NT5C1B: variants seen among roughly 807,000 people sequenced by gnomAD.
NT5C1B encodes 5'-nucleotidase, cytosolic IB.
In NT5C1B, 44 loss-of-function variants were observed where a neutral mutation model predicts 57.8. That is an observed-to-expected ratio of 0.76 (90% CI 0.60 to 0.98). The LOEUF is 0.98. Ranked by LOEUF, NT5C1B falls within the 50% of genes least tolerant of loss-of-function variation. NT5C1B has a pLI of 0.00. For missense variants in NT5C1B, 742 were observed against 719.5 expected, an observed-to-expected ratio of 1.03 and a Z score of -0.36; for synonymous variants, 284 against 282.6, an observed-to-expected ratio of 1.00 and a Z score of -0.05.
chr2:18,585,068 C>T, intron 3 of NT5C1B, 90 bp from the exon 4 acceptor site: 2 of 1,535,144 alleles, frequency 1.3e-6, no homozygotes, highest in Non-Finnish European at 1.8e-6. Context: ...CATTCCTAGA[C>T]CTTTGATGGG....
intron 8 of NT5C1B, among the ~76,000 whole-genome samples, chr2:18,574,221 A>G (rs1665464247): frequency 6.6e-6 from 1 of 152,140 alleles, no homozygotes; most frequent in Non-Finnish European, 1.5e-5. Flanking sequence ...ATGAAAAGGT[A>G]CTCAACACAT....
chr2:18,575,976 G>T (rs1665631580), intron 8 of NT5C1B, among the ~76,000 whole-genome samples: 1 of 152,090 alleles, frequency 6.6e-6, no homozygotes, highest in Admixed American at 6.5e-5. Context: ...ATAAAATAAT[G>T]TGAAAATTAA....
At chr2:18,587,318 G>A (rs1240858941) in intron 2 of NT5C1B, 185 bp downstream of exon 2, 1 of 1,471,982 alleles carries the variant, frequency 6.8e-7, no homozygotes, top group Non-Finnish European at 9.0e-7. Flanking sequence ...ACTAGGGTAT[G>A]GATGGAGGGG....
chr2:18,583,279 G>T, intron 5 of NT5C1B: 1 of 257,530 alleles, frequency 3.9e-6, no homozygotes. Context: ...TAGAGAGTAG[G>T]GTCAGGCTAA....
At chr2:18,588,936 A>C (rs772871371) in intron 1 of NT5C1B, among the ~76,000 whole-genome samples, 21 of 152,132 alleles carry the variant, frequency 1.4e-4, no homozygotes, top group Non-Finnish European at 2.8e-4. Flanking sequence ...GCCTGCATAC[A>C]CCAGCCTTAT....
chr2:18,583,365 T>C (rs1214566599), intron 5 of NT5C1B: 2 of 177,626 alleles, frequency 1.1e-5, no homozygotes, highest in Non-Finnish European at 2.4e-5. Context: ...TTTTTTATTT[T>C]GAAAAATATG....
intron 2 of NT5C1B, chr2:18,586,912 G>C (rs1666762938): frequency 6.2e-7 from 1 of 1,603,342 alleles, no homozygotes. Context: ...CAAAGTAAAA[G>C]AGTTTCTATT....
At chr2:18,568,743 A>C (rs1013279135) in intron 8 of NT5C1B, among the ~76,000 whole-genome samples, 2 of 152,190 alleles carry the variant, frequency 1.3e-5, no homozygotes, top group African/African-American at 4.8e-5. Context: ...AGATAACTAC[A>C]TATCTGATTG....
rs776681247 is a variant in NT5C1B at position 18,584,254 on chromosome 2, G to C, written c.725C>G (p.Pro242Arg). Residue 242 changes from proline (P) to arginine (R), a missense_variant and splice_region_variant, in exon 5 of 9, where the codon CCC (proline) becomes CGC (arginine). Coordinates refer to ENST00000304081, the Ensembl canonical transcript of NT5C1B. This position sits in a 1 kb window ranked among gnomAD's most constrained non-coding sequence, Gnocchi z 5.8. ...AATGGTGATGGCGTTCTTGGGTTTG[G>C]GCTGCAGAGAGGGACGCCAAAGGGA... The C allele has an allele frequency of 1.2e-6, 2 of 1,613,252 alleles. No homozygotes were observed. Among genetic ancestry groups the C allele is most frequent in the African/African-American group, 2.7e-5 (2 of 75,024 alleles).
chr2:18,586,862 T>G (rs1666757455), intron 2 of NT5C1B: 2 of 1,478,248 alleles, frequency 1.4e-6, no homozygotes, highest in Non-Finnish European at 1.8e-6. Context: ...CTCAAGCTTT[T>G]CTTTTAGGAG....
intron 6 of NT5C1B, among the ~76,000 whole-genome samples, chr2:18,581,917 T>C (rs1419529414): frequency 1.3e-5 from 2 of 152,232 alleles, no homozygotes; most frequent in Admixed American, 1.3e-4. Flanking sequence ...CACAATCAGT[T>C]CATCAGCAGA....
intron 6 of NT5C1B, among the ~76,000 whole-genome samples, chr2:18,579,235 A>G (rs889521781): frequency 2.6e-5 from 4 of 152,248 alleles, no homozygotes; most frequent in South Asian, 4.1e-4. Context: ...TACAGATTCA[A>G]TGCTATTCCT....
At chr2:18,583,898 G>C (rs1202300033) in intron 5 of NT5C1B, 190 bp downstream of exon 5, 2 of 907,672 alleles carry the variant, frequency 2.2e-6, no homozygotes, top group Non-Finnish European at 3.6e-6. Context: ...GCTGTGGGCT[G>C]GAGTCCCTTC....
intron 6 of NT5C1B, among the ~76,000 whole-genome samples, chr2:18,577,294 G>A (rs944949827): frequency 1.3e-5 from 2 of 151,898 alleles, no homozygotes; most frequent in African/African-American, 4.8e-5. Context: ...TTTGACTCTT[G>A]TCTGGGCTAG....
chr2:18,586,209 GT>G lies in NT5C1B; in HGVS notation c.258+44del. On this transcript the variant is annotated intron_variant, in intron 3 of 8. Transcript: ENST00000304081. ...AAAGCATCAATAAATGTTAACCATT[GT>G]TATTATTCTATCATCTACTACTCCC... 1.9e-6 allele frequency: 3 copies of G among 1,599,460 alleles called. No homozygotes were observed. The South Asian group carries it at 3.3e-5, about 18-fold the overall frequency.
At position 18,586,879 on chromosome 2, in the gene NT5C1B, G is replaced by A. The variant is rs560654328; in HGVS notation, c.121-488C>T. The A allele has an allele frequency of 2.7e-5, 41 of 1,518,786 alleles. 1 individual carries two copies. In the Admixed American group the frequency reaches 6.4e-4, roughly 24 times the overall value. The allele number at this position is 1,518,786 out of a possible 1,614,324, so 94.1% of individuals were successfully genotyped here. ...CAAGCTTTTCTTTTAGGAGAAACAA[G>A]AATGAAGGACCCCCCGGAACAGCAA... On this transcript the variant is annotated intron_variant, in intron 2 of 8. Transcript: ENST00000304081.
intron 2 of NT5C1B, chr2:18,586,826 G>A: frequency 1.6e-6 from 2 of 1,282,714 alleles, no homozygotes; most frequent in Non-Finnish European, 2.1e-6. Flanking sequence ...GGGACTCTAA[G>A]GCAGCTGCTG....
exon 8 of NT5C1B, chr2:18,576,330 T>C (rs763129429): frequency 1.2e-6 from 2 of 1,613,444 alleles, no homozygotes; most frequent in Non-Finnish European, 1.7e-6. Flanking sequence ...CAGTAAGCCA[T>C]GTCTTTGGCT....
At chr2:18,568,087 G>GAGACAC (rs1664808541) in intron 8 of NT5C1B, among the ~76,000 whole-genome samples, 1 of 142,598 alleles carries the variant, frequency 7.0e-6, no homozygotes, top group Non-Finnish European at 1.5e-5. Context: ...AATGCTGTGG[G>GAGACAC]ACACACACAC....
Sources: gnomAD v4.1 joint callset for allele counts (sites outside exome capture counted in the v4.1 genomes callset) on GRCh38, gnomAD v4.1.1 for gene constraint, Gnocchi (gnomAD v3.1) non-coding constraint, MANE v1.5 for transcripts, NCBI Gene and HGNC (gene_info 2026-07-23, HGNC 2026-07-21) for gene names.